Variants in GRIN2B observed in about 807,000 individuals in gnomAD.
GRIN2B encodes glutamate ionotropic receptor NMDA type subunit 2B.
In GRIN2B, 5 loss-of-function variants were observed where a neutral mutation model predicts 114.5. That is an observed-to-expected ratio of 0.04 (90% CI 0.02 to 0.09). The LOEUF (loss-of-function observed/expected upper bound fraction) is 0.09, where lower values mean the gene tolerates loss of function less well. Among genes scored for constraint, GRIN2B ranks in the 10% least tolerant of loss-of-function variants. The probability of loss-of-function intolerance (pLI) is 1.00; values close to 1 mark genes in which losing one functional copy is unlikely to be tolerated. For synonymous variants in GRIN2B, 787 were observed against 745.1 expected, an observed-to-expected ratio of 1.06 and a Z score of -0.92; for missense variants, 1,108 against 1,943.5, an observed-to-expected ratio of 0.57 and a Z score of 8.08.
chr12:13,637,251 G>A (rs1805550), intron 5 of GRIN2B, among the ~76,000 whole-genome samples: 1 of 152,112 alleles, frequency 6.6e-6, no homozygotes, highest in Non-Finnish European at 1.5e-5. Context: ...AGGCAGAGTT[G>A]CAGGGTAGTA....
intron 3 of GRIN2B, among the ~76,000 whole-genome samples, chr12:13,817,292 TC>T (rs1864843073): frequency 1.3e-5 from 2 of 151,976 alleles, no homozygotes; most frequent in South Asian, 4.2e-4. Context: ...AGAATCTGCC[TC>T]CACAGCATGT....
chr12:13,653,443 T>C (rs190424514), intron 5 of GRIN2B, among the ~76,000 whole-genome samples: 13 of 151,712 alleles, frequency 8.6e-5, no homozygotes, highest in African/African-American at 3.1e-4. Context: ...TCTGTGTAGA[T>C]GGGTCTCTGA....
chr12:13,650,874 C>T (rs1026462594), intron 5 of GRIN2B, among the ~76,000 whole-genome samples: 1 of 151,788 alleles, frequency 6.6e-6, no homozygotes, highest in African/African-American at 2.4e-5. Context: ...GTTACTGAAC[C>T]CTGGTGCTCG....
intron 5 of GRIN2B, among the ~76,000 whole-genome samples, chr12:13,619,404 A>C (rs932655262): frequency 2.6e-5 from 4 of 152,208 alleles, no homozygotes; most frequent in African/African-American, 9.6e-5. Flanking sequence ...GAATGATCCT[A>C]CCTTGCTCTG....
chr12:13,684,509 TCTA>T (rs1950159783), intron 4 of GRIN2B, among the ~76,000 whole-genome samples: 2 of 152,188 alleles, frequency 1.3e-5, no homozygotes, highest in African/African-American at 4.8e-5. Flanking sequence ...CTTAGTCACC[TCTA>T]CTATAGGTGA....
chr12:13,712,489 A>T (rs576270143), intron 4 of GRIN2B, among the ~76,000 whole-genome samples: 344 of 152,020 alleles, frequency 2.3e-3, no homozygotes, highest in Non-Finnish European at 3.9e-3. Flanking sequence ...ATAGATGTGT[A>T]TTGGGAGTGG....
intron 4 of GRIN2B, among the ~76,000 whole-genome samples, chr12:13,701,003 G>A (rs576013800): frequency 1.3e-5 from 2 of 152,116 alleles, no homozygotes; most frequent in Non-Finnish European, 2.9e-5. Flanking sequence ...GGCTGGGGAG[G>A]TCTCAGGAAA....
At chr12:13,710,052 C>G (rs1565509032) in intron 4 of GRIN2B, among the ~76,000 whole-genome samples, 1 of 151,946 alleles carries the variant, frequency 6.6e-6, no homozygotes, top group Non-Finnish European at 1.5e-5. Flanking sequence ...ACAATAAATT[C>G]TGTTATATTC....
intron 3 of GRIN2B, 120 bp from the exon 4 acceptor site, chr12:13,754,035 C>A: frequency 3.1e-6 from 2 of 649,850 alleles, no homozygotes; most frequent in Non-Finnish European, 2.8e-6. Context: ...TTATATAATG[C>A]CTTTACAAGT....
At chr12:13,585,175 G>A (rs1948902026) in intron 10 of GRIN2B, among the ~76,000 whole-genome samples, 1 of 152,150 alleles carries the variant, frequency 6.6e-6, no homozygotes. Flanking sequence ...TGAATTTAGG[G>A]TTCTCCAGTT....
intron 5 of GRIN2B, among the ~76,000 whole-genome samples, chr12:13,674,100 C>T (rs1950047807): frequency 6.6e-6 from 1 of 152,018 alleles, no homozygotes; most frequent in South Asian, 2.1e-4. Flanking sequence ...TGGCACACAC[C>T]TGTAATTCCA....
intron 10 of GRIN2B, among the ~76,000 whole-genome samples, chr12:13,603,629 A>G (rs1168379364): frequency 1.3e-5 from 2 of 151,840 alleles, no homozygotes; most frequent in African/African-American, 2.4e-5. Context: ...AATAATAACA[A>G]TGATAATCAT....
chr12:13,916,053 T>C lies in GRIN2B; in HGVS notation c.-18-49827A>G, dbSNP rs1324152191. Among the ~76,000 whole-genome samples the C allele has an allele frequency of 2.6e-5, 4 of 152,096 alleles. No individual in the cohort carries two copies. The East Asian group carries it at 7.7e-4, about 29-fold the overall frequency. ...GTCCTCCTGCAGTGGGATAACTCTA[T>C]AGAGCTGTGGGGCACCTAAGCAAAA... On this transcript the variant is annotated intron_variant, in intron 2 of 13. Coordinates refer to ENST00000609686, the MANE Select transcript of GRIN2B (RefSeq NM_000834.5).
chr12:13,962,696 A>G (rs112377769), intron 2 of GRIN2B, among the ~76,000 whole-genome samples: 1 of 152,182 alleles, frequency 6.6e-6, no homozygotes, highest in South Asian at 2.1e-4. Context: ...GTAACACCCA[A>G]GCAAGCCTTG....
chr12:13,712,643 A>G (rs1303186245), intron 4 of GRIN2B, among the ~76,000 whole-genome samples: 3 of 151,854 alleles, frequency 2.0e-5, no homozygotes, highest in Non-Finnish European at 4.4e-5. Context: ...ATGTTGAAAC[A>G]CCTAGTGTGC....
intron 3 of GRIN2B, among the ~76,000 whole-genome samples, chr12:13,805,146 T>A (rs1393234892): frequency 1.3e-5 from 2 of 152,182 alleles, no homozygotes; most frequent in Non-Finnish European, 2.9e-5. Context: ...AATCATTGAT[T>A]AGTTATTCTT....
chr12:13,773,037 A>C (rs754054770), intron 3 of GRIN2B, among the ~76,000 whole-genome samples: 3 of 152,178 alleles, frequency 2.0e-5, no homozygotes, highest in African/African-American at 4.8e-5. Context: ...CAATCATAGG[A>C]AGAACTCTTG....
chr12:13,922,900 T>G (rs1474359474), intron 2 of GRIN2B, among the ~76,000 whole-genome samples: 1 of 152,190 alleles, frequency 6.6e-6, no homozygotes, highest in Non-Finnish European at 1.5e-5. Context: ...GCTCTCTTCC[T>G]GGAATTCTAA....
intron 5 of GRIN2B, among the ~76,000 whole-genome samples, chr12:13,656,128 C>T (rs571159988): frequency 4.6e-5 from 7 of 152,154 alleles, no homozygotes; most frequent in East Asian, 1.9e-4. Context: ...ACTGTAGGAA[C>T]GTATTAAAGA....
Sources: gnomAD v4.1 joint callset for allele counts (sites outside exome capture counted in the v4.1 genomes callset) on GRCh38, gnomAD v4.1.1 for gene constraint, MANE v1.5 for transcripts, NCBI Gene and HGNC (gene_info 2026-07-23, HGNC 2026-07-21) for gene names.